The following ZNF624 variants were observed in gnomAD, a reference collection of about 807,000 sequenced individuals.
ZNF624 encodes the protein zinc finger protein 624.
ZNF624 carries 43 observed loss-of-function variants against 74.7 expected under a neutral mutation model. The observed-to-expected ratio is 0.58, with a 90% CI of 0.45 to 0.74. The LOEUF (loss-of-function observed/expected upper bound fraction) is 0.74, where lower values mean the gene tolerates loss of function less well. Among genes scored for constraint, ZNF624 ranks in the 30% least tolerant of loss-of-function variants. ZNF624 has a pLI of 0.00. For missense variants in ZNF624, 820 were observed against 1,030.0 expected (o/e 0.80, Z 2.79); for synonymous variants, 331 against 341.3 (o/e 0.97, Z 0.33).
intron 5 of ZNF624, among the ~76,000 whole-genome samples, chr17:16,627,625 A>G (rs1225148359): frequency 6.6e-6 from 1 of 152,234 alleles, no homozygotes; most frequent in Non-Finnish European, 1.5e-5. Flanking sequence ...AGTAAGCAGA[A>G]CTCTTAATAA....
chr17:16,624,441 C>T lies in ZNF624; in HGVS notation c.445G>A (p.Glu149Lys), dbSNP rs373841132. 4.4e-5 allele frequency: 71 copies of T among 1,606,724 alleles called. No individual in the cohort carries two copies. Among genetic ancestry groups the T allele is most frequent in the Non-Finnish European group, 5.4e-5 (64 of 1,177,990 alleles). ...TKAISEDLSQ[E>K]AILEKLTENG... is the part of the protein sequence containing the mutation. ...TCTGTAAGTTTCTCTAGTATGGCCT[C>T]CTGTGATAAATCTTCAGAAATAGCC... The change falls in exon 6 of 6, where the codon GAG becomes AAG. Residue 149 changes from glutamate to lysine, a missense_variant. Transcript: ENST00000311331.
intron 5 of ZNF624, among the ~76,000 whole-genome samples, chr17:16,630,419 T>C (rs1909178201): frequency 6.6e-6 from 1 of 152,082 alleles, no homozygotes; most frequent in African/African-American, 2.4e-5. Context: ...TAGCTGGGCA[T>C]GGTGGTGCAT....
intron 3 of ZNF624, among the ~76,000 whole-genome samples, chr17:16,639,799 C>T (rs143291317): frequency 6.6e-6 from 1 of 152,318 alleles, no homozygotes; most frequent in East Asian, 1.9e-4. Context: ...CCAGCAACAA[C>T]TGCAACAACA....
intron 3 of ZNF624, among the ~76,000 whole-genome samples, chr17:16,636,486 C>G (rs1489778511): frequency 6.6e-6 from 1 of 152,136 alleles, no homozygotes; most frequent in Non-Finnish European, 1.5e-5. Flanking sequence ...TAGTATATGT[C>G]TTCTAGTGGT....
In ZNF624 at chr17:16,628,854, A is replaced by C. The variant is rs1909136357; in HGVS notation, c.377-4345T>G. ...AGAAATATGAAGAAAACTATATTAA[A>C]GTACACAGTAGTAAAACCGTTGAAA... On this transcript the variant is annotated intron_variant, in intron 5 of 5. Transcript: ENST00000311331. 2.0e-5 allele frequency among the ~76,000 whole-genome samples: 3 copies of C among 152,184 alleles called. No homozygotes were observed. The South Asian group carries it at 6.2e-4, about 32-fold the overall frequency.
At chr17:16,636,180 C>A (rs969064890) in intron 3 of ZNF624, among the ~76,000 whole-genome samples, 2 of 152,200 alleles carry the variant, frequency 1.3e-5, no homozygotes, top group Admixed American at 6.5e-5. Flanking sequence ...AATACAGTTA[C>A]ATTCATGATA....
chr17:16,624,118 G>A lies in ZNF624; in HGVS notation c.768C>T (p.Ala256=), dbSNP rs1207848748. The A allele has an allele frequency of 3.1e-6, 5 of 1,614,108 alleles. No individual in the cohort carries two copies. The East Asian group carries it at 1.1e-4, about 36-fold the overall frequency. ...IICKEMKGSK[A]IRQTSELTLG... ...AAGTTAGTTCTGAAGTCTGCCTTAT[G>A]GCTTTGCTGCCTTTCATCTCCTTGC... Residue 256 remains alanine, a synonymous_variant, in exon 6 of 6, where the codon GCC becomes GCT. Transcript: ENST00000311331.
intron 5 of ZNF624, chr17:16,624,814 C>T (rs973940514): frequency 2.7e-5 from 4 of 150,806 alleles, no homozygotes; most frequent in African/African-American, 3.3e-5. Context: ...CTTAGGAGTT[C>T]GAGACCAGTC....
chr17:16,638,278 A>G (rs1909382257), intron 3 of ZNF624, among the ~76,000 whole-genome samples: 1 of 152,240 alleles, frequency 6.6e-6, no homozygotes, highest in Admixed American at 6.5e-5. Flanking sequence ...ACCGGAAACT[A>G]GTTCAACCAT....
rs776543723 is a variant in ZNF624 at position 16,623,186 on chromosome 17, C to T, written c.1700G>A (p.Arg567His). ...CTGATGTATAATTAGAGAAGAAGAA[C>T]GCATGAAGGCCTTTCCACATTCAGT... Reference protein sequence around the residue: ...KCTECGKAFMRSSSLIIHQRI... With the variant: ...KCTECGKAFMHSSSLIIHQRI... The change falls in exon 6 of 6, where the codon CGT becomes CAT. Residue 567 changes from arginine (R) to histidine (H), a missense_variant. By Grantham distance (29) the Arg-to-His change is conservative (BLOSUM62 0). Transcript: ENST00000311331. This position sits in a 1 kb window ranked among gnomAD's most constrained non-coding sequence, Gnocchi z 5.3. The T allele has an allele frequency of 7.4e-6, 12 of 1,613,746 alleles. No individual in the cohort carries two copies. The highest frequency in any genetic ancestry group is 2.2e-5 in the South Asian group (2 of 91,044).
chr17:16,647,744 G>A (rs948309855), intron 2 of ZNF624, among the ~76,000 whole-genome samples: 2 of 152,028 alleles, frequency 1.3e-5, no homozygotes, highest in African/African-American at 4.8e-5. Flanking sequence ...TCTTGCTCAA[G>A]AATAACACTC....
At chr17:16,642,347 T>G (rs1455349918) in intron 3 of ZNF624, among the ~76,000 whole-genome samples, 1 of 152,184 alleles carries the variant, frequency 6.6e-6, no homozygotes, top group Non-Finnish European at 1.5e-5. Context: ...GGAATAGAAC[T>G]GACAGTCTAG....
chr17:16,641,389 C>T (rs952640494), intron 3 of ZNF624, among the ~76,000 whole-genome samples: 6 of 152,096 alleles, frequency 3.9e-5, no homozygotes, highest in Admixed American at 2.0e-4. Flanking sequence ...TTCAAGGGAT[C>T]CTCCCGTCTC....
intron 4 of ZNF624, 103 bp downstream of exon 4, chr17:16,634,527 C>T: frequency 7.8e-7 from 1 of 1,287,670 alleles, no homozygotes; most frequent in Non-Finnish European, 1.1e-6. Flanking sequence ...ACAATGTGCC[C>T]CTAAAATCAA....
At position 16,621,361 on chromosome 17, in the gene ZNF624, G is replaced by GT. The variant is rs1908908036; in HGVS notation, c.*926dup. 1 of 152,216 alleles carries GT rather than the reference G, an allele frequency of 6.6e-6. No individual in the cohort carries two copies. Among genetic ancestry groups the GT allele is most frequent in the African/African-American group, 2.4e-5 (1 of 41,458 alleles). 9.4% of individuals were successfully genotyped at this position (152,216 alleles called of 1,614,324 possible). A position where few individuals can be genotyped will look rare whatever the true frequency, so the allele number is the denominator to read the frequency against. Reference sequence around the variant, plus strand: ...CTACAAACAGTACTTCAACAAACATGTTTATTTACATTCTTATGCATTGAT... The same window carrying GT: ...CTACAAACAGTACTTCAACAAACATGTTTTATTTACATTCTTATGCATTGAT... On this transcript the variant is annotated 3_prime_UTR_variant, in exon 6 of 6. Coordinates refer to ENST00000311331, the MANE Select transcript of ZNF624 (RefSeq NM_020787.4).
At chr17:16,619,766 C>T (rs926082354), downstream of ZNF624, among the ~76,000 whole-genome samples, 5 of 152,252 alleles carry the variant, frequency 3.3e-5, no homozygotes, top group Admixed American at 6.5e-5. Context: ...TTTGAACCTG[C>T]TGACCACATT....
rs752593288 is a variant in ZNF624 at position 16,624,490 on chromosome 17, T to G, written c.396A>C (p.Ala132=). The change falls in exon 6 of 6, where the codon GCA becomes GCC. Residue 132 remains alanine (A), a synonymous_variant. Coordinates refer to ENST00000311331, the MANE Select transcript of ZNF624 (RefSeq NM_020787.4). ...IPYPDMEPKP[A]TKKATRTKAI... ...CCTTTGTTCGTGTAGCCTTCTTGGT[T>G]GCAGGTTTGGGCTCCATGTCTGGGG... 6.4e-7 allele frequency: 1 copy of G among 1,572,024 alleles called. No individual in the cohort carries two copies. Among genetic ancestry groups the G allele is most frequent in the Non-Finnish European group, 8.6e-7 (1 of 1,165,338 alleles).
chr17:16,624,400 A>G lies in ZNF624; in HGVS notation c.486T>C (p.Asp162=). Residue 162 remains aspartate, a synonymous_variant, in exon 6 of 6, where the codon GAT becomes GAC. Coordinates refer to ENST00000311331, the MANE Select transcript of ZNF624 (RefSeq NM_020787.4). ...LEKLTENGLW[D]SRMEGLWKWN... ...ATTTCCATAACCCTTCCATTCTGGAATCCCACAGACCATTCTCTGTAAGTT... is the reference window on the plus strand; with the variant it reads ...ATTTCCATAACCCTTCCATTCTGGAGTCCCACAGACCATTCTCTGTAAGTT... 6.2e-7 allele frequency: 1 copy of G among 1,613,940 alleles called. No homozygotes were observed. The highest frequency in any genetic ancestry group is 1.1e-5 in the South Asian group (1 of 90,996).
At chr17:16,647,702 T>C (rs1330896651) in intron 2 of ZNF624, among the ~76,000 whole-genome samples, 1 of 152,186 alleles carries the variant, frequency 6.6e-6, no homozygotes, top group Non-Finnish European at 1.5e-5. Context: ...TTTTTCATAT[T>C]GGGATGAAAT....
Sources: allele counts gnomAD v4.1 joint callset (sites outside exome capture counted in the v4.1 genomes callset), GRCh38; gene constraint gnomAD v4.1.1; non-coding constraint Gnocchi (gnomAD v3.1); transcripts MANE v1.5; gene names NCBI Gene and HGNC (gene_info 2026-07-23, HGNC 2026-07-21).